Variants in BTN2A1 observed in about 807,000 individuals in gnomAD.
The protein encoded by BTN2A1 is butyrophilin subfamily 2 member A1.
Under a neutral mutation model 34.5 loss-of-function variants are expected in BTN2A1, and 41 were observed. That is an observed-to-expected ratio of 1.19 (90% CI 0.93 to 1.54). The LOEUF is 1.54. BTN2A1 is among the 40% of genes most tolerant of loss of function. BTN2A1 has a pLI of 0.00. For synonymous variants in BTN2A1, 267 were observed against 258.6 expected, an observed-to-expected ratio of 1.03 and a Z score of -0.31; for missense variants, 642 against 662.0, an observed-to-expected ratio of 0.97 and a Z score of 0.33.
rs772503404 is a variant in BTN2A1 at position 26,468,175 on chromosome 6, A to G, written c.1210A>G (p.Arg404Gly). 2 of 1,614,176 alleles carry G rather than the reference A, an allele frequency of 1.2e-6. No individual in the cohort carries two copies. Among genetic ancestry groups the G allele is most frequent in the Non-Finnish European group, 1.7e-6 (2 of 1,180,026 alleles). Residue 404 changes from arginine (R) to glycine (G), a missense_variant, in exon 8 of 8, where the codon AGA (arginine) becomes GGA (glycine). Coordinates refer to ENST00000312541, the MANE Select transcript of BTN2A1 (RefSeq NM_007049.5). The stretch of plus-strand genomic sequence containing the variant: ...GATTGAGTGGACTGTGGGGGTCTGT[A>G]GAGACAGTGTTGAGAGGAAAGGGGA... ...NVIEWTVGVC[R>G]DSVERKGEVL...
exon 8 of BTN2A1, chr6:26,476,177 T>C (rs1482723442): frequency 1.3e-6 from 2 of 1,536,250 alleles, no homozygotes; most frequent in Admixed American, 3.9e-5. Flanking sequence ...GAGTGGGTGC[T>C]GATGGCAGCC....
chr6:26,468,356 A>G lies in BTN2A1; in HGVS notation c.1391A>G (p.Tyr464Cys). 6.2e-7 allele frequency: 1 copy of G among 1,613,656 alleles called. No individual in the cohort carries two copies. The highest frequency in any genetic ancestry group is 8.5e-7 in the Non-Finnish European group (1 of 1,179,896). The change falls in exon 8 of 8, where the codon TAC becomes TGC. Residue 464 changes from tyrosine to cysteine, a missense_variant. Transcript: ENST00000312541. ...LDYEAGDVSF[Y>C]NMRDRSHIYT... is the part of the protein sequence containing the mutation. ...TATGAAGCTGGAGATGTCTCCTTCT[A>G]CAACATGAGGGACAGATCGCACATC...
At chr6:26,465,695 C>G (rs1041990370) in intron 5 of BTN2A1, 1 of 533,170 alleles carries the variant, frequency 1.9e-6, no homozygotes, top group African/African-American at 2.2e-5. Context: ...AGCTTTCATT[C>G]TTTCACTCTG....
At chr6:26,464,638 G>T (rs1260094546) in intron 4 of BTN2A1, among the ~76,000 whole-genome samples, 1 of 152,136 alleles carries the variant, frequency 6.6e-6, no homozygotes, top group Non-Finnish European at 1.5e-5. Context: ...ACCCCCAGAA[G>T]GTGATGCTGG....
intron 4 of BTN2A1, among the ~76,000 whole-genome samples, chr6:26,463,793 G>C (rs1353130854): frequency 1.3e-5 from 2 of 151,592 alleles, no homozygotes; most frequent in African/African-American, 4.9e-5. Flanking sequence ...CCCCAATAAG[G>C]TCCTTACACT....
Position 26,463,287 on chromosome 6 carries a change from C to T in BTN2A1, c.474C>T (p.Asp158=), listed in dbSNP as rs145913124. The change falls in exon 4 of 8, where the codon GAC becomes GAT. Residue 158 remains aspartate (D), a synonymous_variant. Transcript: ENST00000312541. ...KPLISMRGHE[D]GGIRLECISR... is the part of the protein sequence containing the mutation. Reference sequence around the variant, plus strand: ...TCATTTCAATGAGGGGCCATGAAGACGGGGGCATCCGGCTGGAGTGCATAT... The same window carrying T: ...TCATTTCAATGAGGGGCCATGAAGATGGGGGCATCCGGCTGGAGTGCATAT... The T allele has an allele frequency of 6.3e-5, 101 of 1,613,222 alleles. 1 individual carries two copies. In the African/African-American group the frequency reaches 1.1e-3, roughly 17 times the overall value.
chr6:26,472,579 C>A (rs1032210066), downstream of BTN2A1, among the ~76,000 whole-genome samples: 5 of 152,124 alleles, frequency 3.3e-5, no homozygotes, highest in Non-Finnish European at 7.4e-5. Context: ...GTTGCAAGTG[C>A]TAGTGATACA....
At chr6:26,460,147 TG>T (rs1430588228) in intron 3 of BTN2A1, among the ~76,000 whole-genome samples, 1 of 149,696 alleles carries the variant, frequency 6.7e-6, no homozygotes, top group Non-Finnish European at 1.5e-5. Flanking sequence ...GCACTTCTTT[TG>T]GGTTTTTTTT....
In BTN2A1 at chr6:26,468,790, G is replaced by A; in HGVS notation, c.*241G>A. 2 of 1,593,974 alleles carry A rather than the reference G, an allele frequency of 1.3e-6. No individual in the cohort carries two copies. The highest frequency in any genetic ancestry group is 1.7e-6 in the Non-Finnish European group (2 of 1,168,530). On this transcript the variant is annotated 3_prime_UTR_variant, in exon 8 of 8. Transcript: ENST00000312541. ...GATGGGATCCAGGCATAGGGAACTA[G>A]TTGTTACACAGCTCCCAGCCAAGAA...
At chr6:26,471,813 TTAGAGATGCACA>T (rs1467501203), downstream of BTN2A1, among the ~76,000 whole-genome samples, 6 of 152,238 alleles carry the variant, frequency 3.9e-5, no homozygotes, top group African/African-American at 1.4e-4. Context: ...GGAGTCTATA[TTAGAGATGCACA>T]TGGAGATGCA....
At chr6:26,465,835 C>T in intron 5 of BTN2A1, 118 bp from the exon 6 acceptor site, 3 of 1,556,846 alleles carry the variant, frequency 1.9e-6, no homozygotes, top group Non-Finnish European at 2.6e-6. Flanking sequence ...GTGCCCTAGG[C>T]ATGAGGGAAG....
Position 26,465,374 on chromosome 6 carries a change from G to C in BTN2A1, c.902G>C (p.Arg301Pro). Residue 301 changes from arginine to proline, a missense_variant, in exon 5 of 8, where the codon CGT (arginine) becomes CCT (proline). Arg to Pro is a moderately radical substitution (Grantham distance 103). Transcript: ENST00000312541. ...EIALKELEKE[R>P]VQKEEELQVK... is the part of the protein sequence containing the mutation. Reference sequence around the variant, plus strand: ...GCTCTAAAGGAACTGGAGAAAGAACGTGTGCAAAAAGAGGAAGAACTTCAA... The same window carrying C: ...GCTCTAAAGGAACTGGAGAAAGAACCTGTGCAAAAAGAGGAAGAACTTCAA... 2 of 1,614,024 alleles carry C rather than the reference G, an allele frequency of 1.2e-6. No individual in the cohort carries two copies. Among genetic ancestry groups the C allele is most frequent in the Non-Finnish European group, 1.7e-6 (2 of 1,179,974 alleles).
At position 26,468,502 on chromosome 6, in the gene BTN2A1, G is replaced by T. The variant is rs80308598; in HGVS notation, c.1537G>T (p.Glu513Ter). ...LTGANGVTVP[E>*]EGLTLHRVGT... is the part of the protein sequence containing the mutation. ...AGGAGCCAATGGGGTCACGGTGCCT[G>T]AAGAGGGCCTGACACTTCACAGAGT... The change falls in exon 8 of 8, where the codon GAA (glutamate) becomes TAA (stop). Residue 513 changes from glutamate (E) to a stop codon, truncating the protein, a stop_gained. Coordinates refer to ENST00000312541, the MANE Select transcript of BTN2A1 (RefSeq NM_007049.5). LOFTEE classifies it low-confidence loss of function (END_TRUNC). 6 of 1,614,142 alleles carry T rather than the reference G, an allele frequency of 3.7e-6. No individual in the cohort carries two copies. The East Asian group carries it at 1.3e-4, about 36-fold the overall frequency.
Position 26,458,623 on chromosome 6 carries a change from T to C in BTN2A1, c.-14T>C, listed in dbSNP as rs1256101268. 2.5e-6 allele frequency: 4 copies of C among 1,614,088 alleles called. No homozygotes were observed. Among genetic ancestry groups the C allele is most frequent in the Non-Finnish European group, 3.4e-6 (4 of 1,179,960 alleles). Reference sequence around the variant, plus strand: ...TAACCCTAGGCCTCCTGTCCCTGCCTGCTCTGGGTGCTCATGGAATCAGCT... The same window carrying C: ...TAACCCTAGGCCTCCTGTCCCTGCCCGCTCTGGGTGCTCATGGAATCAGCT... On this transcript the variant is annotated 5_prime_UTR_variant, in exon 2 of 8. Transcript: ENST00000312541.
chr6:26,458,367 A>G (rs1020502239), intron 1 of BTN2A1, among the ~76,000 whole-genome samples: 1 of 152,186 alleles, frequency 6.6e-6, no homozygotes, highest in African/African-American at 2.4e-5. Context: ...AAGAAACTGC[A>G]TTCTGGCCAG....
At chr6:26,470,704 T>C (rs1333439293), downstream of BTN2A1, among the ~76,000 whole-genome samples, 1 of 152,154 alleles carries the variant, frequency 6.6e-6, no homozygotes, top group African/African-American at 2.4e-5. Flanking sequence ...AACACTCTTC[T>C]CTTGCTCTTC....
chr6:26,467,524 C>CTGGTCTCGAACTCCTGACCTCAGG (rs2113865746), intron 7 of BTN2A1, among the ~76,000 whole-genome samples: 1 of 152,238 alleles, frequency 6.6e-6, no homozygotes, highest in East Asian at 1.9e-4. Flanking sequence ...GTTGTCCAGG[C>CTGGTCTCGAACTCCTGACCTCAGG]TGGTCTCGAA....
intron 2 of BTN2A1, among the ~76,000 whole-genome samples, 192 bp from the exon 3 acceptor site, chr6:26,459,289 A>C (rs1763094066): frequency 6.6e-6 from 1 of 152,176 alleles, no homozygotes; most frequent in South Asian, 2.1e-4. Context: ...ATGAAGCAGA[A>C]GCACACTTTA....
chr6:26,466,510 G>A (rs984794863), intron 7 of BTN2A1, among the ~76,000 whole-genome samples: 1 of 152,170 alleles, frequency 6.6e-6, no homozygotes, highest in Non-Finnish European at 1.5e-5. Flanking sequence ...GGCCAGGAGG[G>A]TCCCTAGTAA....
Sources: gnomAD v4.1 joint callset for allele counts (sites outside exome capture counted in the v4.1 genomes callset) on GRCh38, gnomAD v4.1.1 for gene constraint, MANE v1.5 for transcripts, NCBI Gene and HGNC (gene_info 2026-07-23, HGNC 2026-07-21) for gene names.